Variants in RORA observed in about 807,000 individuals in gnomAD.
RORA encodes RAR related orphan receptor A, also known as nuclear receptor ROR-alpha.
In RORA, 7 loss-of-function variants were observed where a neutral mutation model predicts 69.5. That is an observed-to-expected ratio of 0.10 (90% CI 0.06 to 0.19). The LOEUF is 0.19. Ranked by LOEUF, RORA falls within the 10% of genes least tolerant of loss-of-function variation. The pLI is 1.00. For synonymous variants in RORA, 261 were observed against 240.8 expected (o/e 1.08, Z -0.78); for missense variants, 457 against 663.0 (o/e 0.69, Z 3.41).
At chr15:60,914,437 T>C (rs1323681484) in intron 1 of RORA, among the ~76,000 whole-genome samples, 3 of 152,190 alleles carry the variant, frequency 2.0e-5, no homozygotes, top group South Asian at 2.1e-4. Flanking sequence ...TCTATAGCCA[T>C]GACAAGAAAT....
intron 2 of RORA, among the ~76,000 whole-genome samples, chr15:60,625,536 G>T (rs2069552427): frequency 6.6e-6 from 1 of 152,170 alleles, no homozygotes; most frequent in Non-Finnish European, 1.5e-5. Flanking sequence ...GTTTGTATTT[G>T]CAAAGCCTGA....
intron 2 of RORA, among the ~76,000 whole-genome samples, chr15:60,599,515 C>T (rs1421591561): frequency 6.6e-6 from 1 of 152,198 alleles, no homozygotes; most frequent in Non-Finnish European, 1.5e-5. Flanking sequence ...CGTGTCACTG[C>T]ACTCCAGCCT....
chr15:61,205,455 T>C (rs2079750365), intron 1 of RORA, among the ~76,000 whole-genome samples: 6 of 152,194 alleles, frequency 3.9e-5, no homozygotes, highest in Admixed American at 3.9e-4. Context: ...TTAAAGTTAC[T>C]TGTCAGGATT....
chr15:60,868,325 G>A (rs1206850107), intron 1 of RORA, among the ~76,000 whole-genome samples: 3 of 152,206 alleles, frequency 2.0e-5, no homozygotes, highest in Non-Finnish European at 4.4e-5. Context: ...GAAAATGGCA[G>A]TAATAGCATC....
chr15:60,786,765 A>G (rs2072340519), intron 1 of RORA, among the ~76,000 whole-genome samples: 1 of 152,230 alleles, frequency 6.6e-6, no homozygotes, highest in Admixed American at 6.5e-5. Context: ...GGGACTGGCA[A>G]ACAAACAGGA....
At chr15:60,796,897 A>G (rs1595721731) in intron 1 of RORA, among the ~76,000 whole-genome samples, 1 of 151,860 alleles carries the variant, frequency 6.6e-6, no homozygotes, top group African/African-American at 2.4e-5. Context: ...ATCCTGGATG[A>G]CCCTTGAAAA....
In RORA at chr15:61,203,579, C is replaced by T. The variant is rs917651839; in HGVS notation, c.166+25474G>A. Reference sequence around the variant, plus strand: ...GATAAAAGATATAAAAGAAGTGAAACGGGATAAAATGAGTAGATCACTCAT... The same window carrying T: ...GATAAAAGATATAAAAGAAGTGAAATGGGATAAAATGAGTAGATCACTCAT... On this transcript the variant is annotated intron_variant, in intron 1 of 10. Coordinates refer to ENST00000335670, the MANE Select transcript of RORA (RefSeq NM_134261.3). Among the ~76,000 whole-genome samples, 11 of 152,090 alleles carry T rather than the reference C, an allele frequency of 7.2e-5. No individual in the cohort carries two copies. The South Asian group carries it at 1.5e-3, about 20-fold the overall frequency.
chr15:60,809,259 C>T (rs2072708123), intron 1 of RORA, among the ~76,000 whole-genome samples: 1 of 152,168 alleles, frequency 6.6e-6, no homozygotes. Context: ...AGGTGGATAT[C>T]AAACTTGAAT....
At chr15:61,224,156 C>CA (rs1484944354) in intron 1 of RORA, among the ~76,000 whole-genome samples, 1 of 152,150 alleles carries the variant, frequency 6.6e-6, no homozygotes, top group African/African-American at 2.4e-5. Context: ...GAAGGCCTTT[C>CA]AAAAATACTC....
At chr15:60,977,307 G>A (rs534631572) in intron 1 of RORA, among the ~76,000 whole-genome samples, 3 of 151,980 alleles carry the variant, frequency 2.0e-5, no homozygotes, top group East Asian at 3.9e-4. Context: ...GTAGCCTTAC[G>A]AAATCACAAA....
At chr15:60,648,910 C>T (rs1483886269) in intron 2 of RORA, among the ~76,000 whole-genome samples, 1 of 152,132 alleles carries the variant, frequency 6.6e-6, no homozygotes, top group Non-Finnish European at 1.5e-5. Flanking sequence ...TAAACTGCTA[C>T]TTAACCATCC....
chr15:60,566,999 T>G (rs1012672345), intron 2 of RORA, among the ~76,000 whole-genome samples: 5 of 152,178 alleles, frequency 3.3e-5, no homozygotes, highest in African/African-American at 1.2e-4. Context: ...CTGTTTAGAT[T>G]ACGTGTGAGA....
At chr15:61,105,136 G>T (rs1415036399) in intron 1 of RORA, among the ~76,000 whole-genome samples, 1 of 152,040 alleles carries the variant, frequency 6.6e-6, no homozygotes, top group Non-Finnish European at 1.5e-5. Flanking sequence ...CATCTCTTGG[G>T]ATCTCAACTC....
At chr15:60,576,880 A>G (rs2068041167) in intron 2 of RORA, among the ~76,000 whole-genome samples, 1 of 152,234 alleles carries the variant, frequency 6.6e-6, no homozygotes. Context: ...TGGAAGTGGT[A>G]CTAATTGTAT....
chr15:60,508,799 G>A (rs1872391015), intron 5 of RORA, among the ~76,000 whole-genome samples: 1 of 152,172 alleles, frequency 6.6e-6, no homozygotes. Context: ...TATATCAGCT[G>A]TTTCTCCTGC....
chr15:60,752,935 T>C (rs2071748291), intron 1 of RORA, among the ~76,000 whole-genome samples: 1 of 152,212 alleles, frequency 6.6e-6, no homozygotes, highest in Non-Finnish European at 1.5e-5. Flanking sequence ...ATTTGAGATT[T>C]TGCTTATGTT....
intron 1 of RORA, among the ~76,000 whole-genome samples, chr15:61,050,671 C>G (rs1332183959): frequency 7.2e-5 from 11 of 152,182 alleles, no homozygotes. Context: ...CGCAGAGTCA[C>G]AAGAGTCAGG....
intron 1 of RORA, among the ~76,000 whole-genome samples, chr15:60,974,455 A>G (rs190717945): frequency 2.6e-5 from 4 of 152,040 alleles, no homozygotes; most frequent in African/African-American, 9.6e-5. Context: ...CCAGCCAGGT[A>G]GTTCTGAGGA....
chr15:60,626,549 G>T (rs2069586980), intron 2 of RORA, among the ~76,000 whole-genome samples: 1 of 152,068 alleles, frequency 6.6e-6, no homozygotes. Context: ...GAACTACTTA[G>T]CTGCCCAGCA....
Sources: allele counts gnomAD v4.1 joint callset (sites outside exome capture counted in the v4.1 genomes callset), GRCh38; gene constraint gnomAD v4.1.1; transcripts MANE v1.5; gene names NCBI Gene and HGNC (gene_info 2026-07-23, HGNC 2026-07-21).